Variants in UMAD1 observed in about 807,000 individuals in gnomAD.
UMAD1 encodes UBAP1-MVB12-associated (UMA)-domain containing protein 1.
A neutral mutation model predicts 6.1 loss-of-function variants in UMAD1; 8 were observed. The observed-to-expected ratio is 1.30, with a 90% CI of 0.76 to 2.35. The LOEUF is 2.35. UMAD1 is among the 30% of genes most tolerant of loss of function. The pLI, the probability that UMAD1 is intolerant of heterozygous loss-of-function variation, is 0.00. For synonymous variants in UMAD1, 56 were observed against 31.4 expected, an observed-to-expected ratio of 1.78 and a Z score of -2.61; for missense variants, 130 against 78.4, an observed-to-expected ratio of 1.66 and a Z score of -2.49.
At chr7:7,875,288 G>A (rs1360463673) in intron 3 of UMAD1, among the ~76,000 whole-genome samples, 2 of 152,132 alleles carry the variant, frequency 1.3e-5, no homozygotes, top group Non-Finnish European at 2.9e-5. Context: ...AACTAGAGAA[G>A]CAAGAGCAAA....
At chr7:7,813,626 C>G (rs1381994202) in intron 3 of UMAD1, among the ~76,000 whole-genome samples, 1 of 152,064 alleles carries the variant, frequency 6.6e-6, no homozygotes, top group Non-Finnish European at 1.5e-5. Flanking sequence ...TGAAAACTTT[C>G]TCACAACTTT....
chr7:7,731,491 C>CCA lies in UMAD1; in HGVS notation c.82+58038_82+58039insCA, dbSNP rs1554321024. On this transcript the variant is annotated intron_variant, in intron 2 of 3. Coordinates refer to ENST00000682710, the MANE Select transcript of UMAD1 (RefSeq NM_001302348.2). ...GAAAAGCAAACAAACAACCCCCCCC[C>CCA]AAAAAAAAAACACTTCTAGAGGTAT... 3.9e-4 allele frequency among the ~76,000 whole-genome samples: 53 copies of CCA among 134,588 alleles called. 1 individual carries two copies. Among genetic ancestry groups the CCA allele is most frequent in the African/African-American group, 1.4e-3 (50 of 35,912 alleles). The allele number at this position is 134,588 out of a possible 152,430, so 88.3% of individuals were successfully genotyped here.
intron 2 of UMAD1, among the ~76,000 whole-genome samples, chr7:7,680,448 A>C (rs1779881224): frequency 6.6e-6 from 1 of 152,056 alleles, no homozygotes; most frequent in Non-Finnish European, 1.5e-5. Context: ...ATAGCTTTTT[A>C]GTATAATTTG....
intron 2 of UMAD1, among the ~76,000 whole-genome samples, chr7:7,677,669 T>TG (rs1563112417): frequency 3.0e-5 from 4 of 133,340 alleles, no homozygotes; most frequent in Non-Finnish European, 3.2e-5. Flanking sequence ...TTTTTGTTTT[T>TG]TTTTTTTTTT....
chr7:7,810,050 G>A (rs1281634643), intron 3 of UMAD1, among the ~76,000 whole-genome samples: 4 of 151,986 alleles, frequency 2.6e-5, no homozygotes, highest in Admixed American at 2.0e-4. Flanking sequence ...TGGAGGGGGA[G>A]ATTTTCAAGA....
intron 2 of UMAD1, among the ~76,000 whole-genome samples, chr7:7,761,079 C>T (rs772630716): frequency 4.6e-5 from 7 of 152,070 alleles, no homozygotes; most frequent in Non-Finnish European, 1.0e-4. Flanking sequence ...GAAAAGGTCA[C>T]CCCAGCTGGG....
At chr7:7,671,338 G>A (rs2115104976) in intron 1 of UMAD1, among the ~76,000 whole-genome samples, 1 of 152,200 alleles carries the variant, frequency 6.6e-6, no homozygotes, top group South Asian at 2.1e-4. Context: ...GCTCCACAAG[G>A]CTTCAGTTGG....
intron 1 of UMAD1, among the ~76,000 whole-genome samples, chr7:7,649,158 C>CAAAAAAAAAAAAAAAAAAAAA (rs34943326): frequency 3.1e-5 from 4 of 128,866 alleles, no homozygotes; most frequent in Admixed American, 8.4e-5. Flanking sequence ...GACTCCATCT[C>CAAAAAAAAAAAAAAAAAAAAA]AAAAAAAAAA....
intron 2 of UMAD1, among the ~76,000 whole-genome samples, chr7:7,759,700 G>C (rs1452582176): frequency 1.3e-5 from 2 of 152,168 alleles, no homozygotes; most frequent in Non-Finnish European, 2.9e-5. Flanking sequence ...GTCCTTTAGG[G>C]ATGAAGACCT....
At chr7:7,700,670 C>T (rs937080064) in intron 2 of UMAD1, among the ~76,000 whole-genome samples, 16 of 152,102 alleles carry the variant, frequency 1.1e-4, no homozygotes, top group African/African-American at 2.9e-4. Context: ...AGCAGATCAC[C>T]CAAGGTCAGG....
rs1399763271 is a variant in UMAD1 at position 7,877,580 on chromosome 7, C to T, written c.*42C>T. ...CACCTTAACAGCTTTAAAATATGTT[C>T]GCCTATTTTATCTAACCTGTTTGAT... On this transcript the variant is annotated 3_prime_UTR_variant, in exon 4 of 4. Transcript: ENST00000682710. 1.7e-5 allele frequency: 12 copies of T among 702,526 alleles called. No individual in the cohort carries two copies. Among genetic ancestry groups the T allele is most frequent in the Non-Finnish European group, 3.2e-5 (12 of 378,678 alleles). The allele number at this position is 702,526 out of a possible 1,614,324, so 43.5% of individuals were successfully genotyped here. A position where few individuals can be genotyped will look rare whatever the true frequency, so the allele number is the denominator to read the frequency against.
At chr7:7,771,459 T>C (rs1210669248) in intron 2 of UMAD1, among the ~76,000 whole-genome samples, 1 of 152,142 alleles carries the variant, frequency 6.6e-6, no homozygotes, top group African/African-American at 2.4e-5. Flanking sequence ...TCTTTGCTGA[T>C]TGAGGTGATT....
intron 2 of UMAD1, among the ~76,000 whole-genome samples, chr7:7,708,660 T>C (rs1470658234): frequency 1.3e-5 from 2 of 152,212 alleles, no homozygotes; most frequent in East Asian, 3.8e-4. Context: ...AATATACTTT[T>C]CCTACTACTT....
At chr7:7,701,216 A>G (rs1281908576) in intron 2 of UMAD1, among the ~76,000 whole-genome samples, 2 of 151,840 alleles carry the variant, frequency 1.3e-5, no homozygotes, top group African/African-American at 4.8e-5. Flanking sequence ...TAAGGAATGA[A>G]CTGTATCATT....
At chr7:7,764,998 T>G (rs1365041365) in intron 2 of UMAD1, among the ~76,000 whole-genome samples, 4 of 149,918 alleles carry the variant, frequency 2.7e-5, no homozygotes, top group Non-Finnish European at 5.9e-5. Flanking sequence ...ATTCTTAATA[T>G]CATTCTTTTT....
intron 2 of UMAD1, among the ~76,000 whole-genome samples, chr7:7,684,072 C>T (rs1017824392): frequency 2.0e-5 from 3 of 152,180 alleles, no homozygotes; most frequent in East Asian, 1.9e-4. Flanking sequence ...ATACATCCTC[C>T]CATATACTTT....
chr7:7,698,870 CT>C (rs57968079), intron 2 of UMAD1, among the ~76,000 whole-genome samples: 3,072 of 131,908 alleles, frequency 0.023, 81 homozygotes, highest in African/African-American at 0.078. Flanking sequence ...ACCCTCTTGT[CT>C]TTTTTTTTTT....
chr7:7,729,654 C>T lies in UMAD1; in HGVS notation c.82+56201C>T, dbSNP rs537787768. On this transcript the variant is annotated intron_variant, in intron 2 of 3. Transcript: ENST00000682710. ...CTTGATTTCTTTCCCTTCCTAGATC[C>T]TATAGTTAGCCTGGACAACTCTAAA... Among the ~76,000 whole-genome samples the T allele has an allele frequency of 1.8e-4, 27 of 152,286 alleles. 1 individual carries two copies. The South Asian group carries it at 5.6e-3, about 32-fold the overall frequency.
chr7:7,681,003 G>A (rs941386571), intron 2 of UMAD1, among the ~76,000 whole-genome samples: 6 of 151,910 alleles, frequency 3.9e-5, no homozygotes, highest in African/African-American at 1.5e-4. Context: ...GGCATCGTGT[G>A]CAATACGTAC....
Sources: gnomAD v4.1 joint callset for allele counts (sites outside exome capture counted in the v4.1 genomes callset) on GRCh38, gnomAD v4.1.1 for gene constraint, MANE v1.5 for transcripts, NCBI Gene and HGNC (gene_info 2026-07-23, HGNC 2026-07-21) for gene names.